The following PDE4D variants were observed in gnomAD, a reference collection of about 807,000 sequenced individuals.
PDE4D encodes 3',5'-cyclic-AMP phosphodiesterase 4D.
PDE4D carries 24 observed loss-of-function variants against 87.4 expected under a neutral mutation model. The ratio of observed to expected loss-of-function variants is 0.27; its 90% CI spans 0.20 to 0.39. The LOEUF is 0.39. PDE4D is among the 10% of genes least tolerant of loss of function. The pLI is 1.00. For synonymous variants in PDE4D, 384 were observed against 383.2 expected, an observed-to-expected ratio of 1.00 and a Z score of -0.02; for missense variants, 714 against 1,041.0, an observed-to-expected ratio of 0.69 and a Z score of 4.32.
At chr5:59,556,672 T>C (rs1818977633) in intron 1 of PDE4D, among the ~76,000 whole-genome samples, 1 of 152,202 alleles carries the variant, frequency 6.6e-6, no homozygotes, top group Admixed American at 6.5e-5. Flanking sequence ...CACGTAACTA[T>C]GAGATGGGTT....
chr5:59,778,566 C>A (rs1764300945), intron 1 of PDE4D, among the ~76,000 whole-genome samples: 1 of 119,152 alleles, frequency 8.4e-6, no homozygotes, highest in South Asian at 2.5e-4. Context: ...CATAAGCCAA[C>A]TAGTAATTAT....
intron 1 of PDE4D, among the ~76,000 whole-genome samples, chr5:59,623,641 C>T (rs917586084): frequency 6.6e-6 from 1 of 152,144 alleles, no homozygotes; most frequent in Non-Finnish European, 1.5e-5. Context: ...CCCCAGAGTT[C>T]CAATTCCTGA....
intron 2 of PDE4D, among the ~76,000 whole-genome samples, chr5:60,154,136 T>C (rs1781756817): frequency 6.6e-6 from 1 of 152,164 alleles, no homozygotes; most frequent in Non-Finnish European, 1.5e-5. Context: ...AAACAGTGCT[T>C]TTTTTCAAAA....
intron 5 of PDE4D, among the ~76,000 whole-genome samples, chr5:59,051,061 G>T (rs996217368): frequency 1.1e-4 from 16 of 152,204 alleles, no homozygotes; most frequent in African/African-American, 3.9e-4. Context: ...AAATGTGAGT[G>T]AACAACCTAT....
chr5:60,129,934 G>A (rs1779426726), intron 2 of PDE4D, among the ~76,000 whole-genome samples: 1 of 152,120 alleles, frequency 6.6e-6, no homozygotes, highest in African/African-American at 2.4e-5. Flanking sequence ...AATCACCAAT[G>A]TGATGATATT....
chr5:59,416,365 T>G (rs1410663860), intron 1 of PDE4D, among the ~76,000 whole-genome samples: 1 of 152,138 alleles, frequency 6.6e-6, no homozygotes, highest in African/African-American at 2.4e-5. Flanking sequence ...CAGGGGCTAT[T>G]CAGGATCTGG....
At chr5:60,114,978 A>ATGGATGGATGGATGGATGGATGGATGGC (rs145654898) in intron 2 of PDE4D, among the ~76,000 whole-genome samples, 1 of 149,212 alleles carries the variant, frequency 6.7e-6, no homozygotes, top group East Asian at 2.0e-4. Flanking sequence ...GGATGGATGG[A>ATGGATGGATGGATGGATGGATGGATGGC]TGGCTAGATA....
chr5:60,009,557 G>T lies in PDE4D; in HGVS notation c.43-20840C>A, dbSNP rs1764814386. On this transcript the variant is annotated intron_variant, in intron 2 of 16. Transcript: ENST00000502484. Reference sequence around the variant, plus strand: ...TAGAATGTTAGCGTCATGTGTTTAGGATATAAAAAGCACTAAAGTAGATAG... The same window carrying T: ...TAGAATGTTAGCGTCATGTGTTTAGTATATAAAAAGCACTAAAGTAGATAG... 2.0e-5 allele frequency among the ~76,000 whole-genome samples: 3 copies of T among 151,986 alleles called. No individual in the cohort carries two copies. In the South Asian group the frequency reaches 6.2e-4, roughly 31 times the overall value.
chr5:58,985,911 C>T (rs899977011), intron 11 of PDE4D, among the ~76,000 whole-genome samples: 3 of 152,194 alleles, frequency 2.0e-5, no homozygotes, highest in Non-Finnish European at 4.4e-5. Context: ...GATCCCTAGC[C>T]AAACCAAACT....
intron 1 of PDE4D, among the ~76,000 whole-genome samples, chr5:60,415,647 C>A (rs1043710389): frequency 1.3e-5 from 2 of 152,250 alleles, no homozygotes; most frequent in Admixed American, 1.3e-4. Flanking sequence ...GTTGCCTCCC[C>A]ACGGGGCAGG....
At chr5:59,211,069 CT>C (rs1749966794) in intron 2 of PDE4D, among the ~76,000 whole-genome samples, 1 of 152,046 alleles carries the variant, frequency 6.6e-6, no homozygotes, top group South Asian at 2.1e-4. Context: ...CTGTAATTTT[CT>C]TCATGTTACT....
chr5:59,203,737 G>A lies in PDE4D; in HGVS notation c.648-10201C>T, dbSNP rs1362483271. Among the ~76,000 whole-genome samples, 3 of 152,158 alleles carry A rather than the reference G, an allele frequency of 2.0e-5. No homozygotes were observed. In the East Asian group the frequency reaches 5.8e-4, roughly 29 times the overall value. On this transcript the variant is annotated intron_variant, in intron 2 of 14. Coordinates refer to ENST00000340635, the MANE Select transcript of PDE4D (RefSeq NM_001104631.2). Reference sequence around the variant, plus strand: ...ACATTATGCTTAGTGAAATAAGCCAGGCAAGAAAGATAAATACCATGTGAT... The same window carrying A: ...ACATTATGCTTAGTGAAATAAGCCAAGCAAGAAAGATAAATACCATGTGAT...
intron 5 of PDE4D, among the ~76,000 whole-genome samples, chr5:59,102,081 CTTT>C (rs34811771): frequency 5.2e-5 from 5 of 96,166 alleles, no homozygotes; most frequent in Admixed American, 1.3e-4. Context: ...TTTTTCCCTA[CTTT>C]TTTTTTTTTT....
At chr5:60,252,399 C>CTTTTTTTT (rs749772318) in intron 1 of PDE4D, among the ~76,000 whole-genome samples, 1 of 137,410 alleles carries the variant, frequency 7.3e-6, no homozygotes, top group Non-Finnish European at 1.6e-5. Flanking sequence ...CACTTTTTTA[C>CTTTTTTTT]TTTTTTTTTT....
intron 1 of PDE4D, among the ~76,000 whole-genome samples, chr5:60,495,196 C>T (rs372017778): frequency 1.3e-5 from 2 of 152,312 alleles, no homozygotes; most frequent in Admixed American, 6.5e-5. Context: ...ACATGAGTTG[C>T]TCTATATCTA....
intron 1 of PDE4D, among the ~76,000 whole-genome samples, chr5:59,502,172 T>G (rs925442957): frequency 2.0e-5 from 3 of 152,132 alleles, no homozygotes; most frequent in African/African-American, 7.2e-5. Flanking sequence ...AGTTTATTAT[T>G]GAAAGGTCCT....
chr5:59,006,471 G>A (rs1015073045), intron 6 of PDE4D, among the ~76,000 whole-genome samples: 24 of 151,898 alleles, frequency 1.6e-4, no homozygotes, highest in African/African-American at 5.6e-4. Flanking sequence ...GAGGTGGGAG[G>A]TGGGAGGTGC....
At chr5:59,520,605 G>A (rs1042562451) in intron 1 of PDE4D, among the ~76,000 whole-genome samples, 37 of 152,072 alleles carry the variant, frequency 2.4e-4, no homozygotes, top group African/African-American at 8.9e-4. Flanking sequence ...ACTAAGAGAA[G>A]TATAAGAGGA....
At chr5:60,492,262 CT>C (rs2150236033), upstream of PDE4D, among the ~76,000 whole-genome samples, 1 of 152,100 alleles carries the variant, frequency 6.6e-6, no homozygotes, top group South Asian at 2.1e-4. Flanking sequence ...GACCCCATCT[CT>C]GCAAAAAAGA....
Sources: allele counts gnomAD v4.1 joint callset (sites outside exome capture counted in the v4.1 genomes callset), GRCh38; gene constraint gnomAD v4.1.1; transcripts MANE v1.5; gene names NCBI Gene and HGNC (gene_info 2026-07-23, HGNC 2026-07-21).